The following CUL2 variants were observed in gnomAD, a reference collection of about 807,000 sequenced individuals.
CUL2 encodes cullin-2.
In CUL2, 22 loss-of-function variants were observed where a neutral mutation model predicts 110.2. That is an observed-to-expected ratio of 0.20 (90% CI 0.14 to 0.28). CUL2 has a LOEUF of 0.28. Among genes scored for constraint, CUL2 ranks in the 10% least tolerant of loss-of-function variants. CUL2 has a pLI of 1.00. For synonymous variants in CUL2, 279 were observed against 293.2 expected, an observed-to-expected ratio of 0.95 and a Z score of 0.49; for missense variants, 631 against 905.5, an observed-to-expected ratio of 0.70 and a Z score of 3.89.
chr10:35,030,927 T>G (rs1280684666), intron 14 of CUL2, among the ~76,000 whole-genome samples: 1 of 152,156 alleles, frequency 6.6e-6, no homozygotes, highest in East Asian at 1.9e-4. Flanking sequence ...GCAAGAAAAT[T>G]TATTGAATAA....
chr10:35,030,213 C>A (rs1291143230), intron 14 of CUL2, among the ~76,000 whole-genome samples: 2 of 152,190 alleles, frequency 1.3e-5, no homozygotes, highest in African/African-American at 4.8e-5. Context: ...GGGAATACTC[C>A]AGCCTGTAGT....
At chr10:35,014,066 T>C (rs2084968216) in intron 18 of CUL2, among the ~76,000 whole-genome samples, 1 of 152,242 alleles carries the variant, frequency 6.6e-6, no homozygotes, top group African/African-American at 2.4e-5. Context: ...CCTACTATTC[T>C]ATATACACTA....
At chr10:35,035,336 T>G in intron 9 of CUL2, 40 bp from the exon 10 acceptor site, 1 of 1,604,702 alleles carries the variant, frequency 6.2e-7, no homozygotes, top group Non-Finnish European at 8.5e-7. Context: ...CTCCCAAATA[T>G]TTTCATTTAT....
Position 35,029,634 on chromosome 10 carries a change from A to C in CUL2, c.1393T>G (p.Cys465Gly). The stretch of plus-strand genomic sequence containing the variant: ...AGCTTGCTGGTAAACTCATAACCAC[A>C]GGCTTGCTATAAAAAAGTTTTAGAA... Reference protein sequence around the residue: ...EAMINKLKQACGYEFTSKLHR... With the variant: ...EAMINKLKQAGGYEFTSKLHR... Residue 465 changes from cysteine to glycine, a missense_variant, in exon 15 of 21, where the codon TGT becomes GGT. Cys to Gly is a radical substitution (Grantham distance 159). Coordinates refer to ENST00000374749, the MANE Select transcript of CUL2 (RefSeq NM_003591.4). 6.3e-7 allele frequency: 1 copy of C among 1,582,786 alleles called. No individual in the cohort carries two copies. Among genetic ancestry groups the C allele is most frequent in the Non-Finnish European group, 8.5e-7 (1 of 1,170,834 alleles).
intron 1 of CUL2, among the ~76,000 whole-genome samples, chr10:35,102,449 G>A (rs2087394344): frequency 6.6e-6 from 1 of 151,578 alleles, no homozygotes; most frequent in South Asian, 2.1e-4. Flanking sequence ...GCACATGCCT[G>A]TAATTCCAGC....
intron 17 of CUL2, among the ~76,000 whole-genome samples, chr10:35,021,349 C>T (rs1187022843): frequency 4.6e-5 from 7 of 150,952 alleles, no homozygotes; most frequent in Admixed American, 6.6e-5. Context: ...CTCCGCCACC[C>T]GGGTTCATGC....
intron 1 of CUL2, among the ~76,000 whole-genome samples, chr10:35,081,477 G>C (rs577655931): frequency 6.6e-6 from 1 of 152,024 alleles, no homozygotes; most frequent in African/African-American, 2.4e-5. Flanking sequence ...ATGTATCCCC[G>C]ATCTCAGGTA....
chr10:35,103,768 T>A (rs2087419302), intron 1 of CUL2, among the ~76,000 whole-genome samples: 1 of 152,154 alleles, frequency 6.6e-6, no homozygotes, highest in South Asian at 2.1e-4. Flanking sequence ...CTGCTCAAAA[T>A]GTTTTCACCG....
chr10:35,078,522 A>G (rs1200069774), intron 1 of CUL2, among the ~76,000 whole-genome samples: 1 of 151,958 alleles, frequency 6.6e-6, no homozygotes, highest in Non-Finnish European at 1.5e-5. Flanking sequence ...GCTGGTCTCA[A>G]ACTCCCAACC....
chr10:35,026,811 G>A (rs1564703046), intron 16 of CUL2, among the ~76,000 whole-genome samples: 1 of 151,962 alleles, frequency 6.6e-6, no homozygotes, highest in Non-Finnish European at 1.5e-5. Context: ...AATATATGTT[G>A]ACTAAACTTA....
chr10:35,030,902 C>G (rs1483907303), intron 14 of CUL2, among the ~76,000 whole-genome samples: 4 of 152,068 alleles, frequency 2.6e-5, no homozygotes, highest in Admixed American at 6.6e-5. Flanking sequence ...ATATTATATT[C>G]AAAATGTCTA....
intron 1 of CUL2, among the ~76,000 whole-genome samples, chr10:35,107,145 T>C (rs181869505): frequency 6.6e-6 from 1 of 152,060 alleles, no homozygotes; most frequent in Non-Finnish European, 1.5e-5. Flanking sequence ...CGGCTAATTT[T>C]TTGTATTTTC....
chr10:35,125,482 A>G (rs2135161187), intron 1 of CUL2, among the ~76,000 whole-genome samples: 1 of 152,350 alleles, frequency 6.6e-6, no homozygotes, highest in South Asian at 2.1e-4. Context: ...CCTTTGACCT[A>G]CGAAAATTAG....
chr10:35,119,912 C>T (rs1180525594), intron 1 of CUL2: 2 of 152,120 alleles, frequency 1.3e-5, no homozygotes, highest in Non-Finnish European at 2.9e-5. Context: ...TTTCCTCAGA[C>T]TATATTGCTC....
intron 4 of CUL2, among the ~76,000 whole-genome samples, chr10:35,058,383 C>G (rs1301578587): frequency 6.6e-6 from 1 of 152,162 alleles, no homozygotes; most frequent in Non-Finnish European, 1.5e-5. Context: ...TTCCTGATGA[C>G]TAACCCGCCT....
intron 2 of CUL2, chr10:35,063,846 G>C (rs2086447799): frequency 2.7e-5 from 4 of 148,334 alleles, no homozygotes; most frequent in South Asian, 4.2e-4. Flanking sequence ...CAAAAGATAA[G>C]ACTTAAGGCA....
chr10:35,019,401 CA>C (rs1471989420), intron 17 of CUL2, among the ~76,000 whole-genome samples: 9 of 152,122 alleles, frequency 5.9e-5, no homozygotes, highest in Admixed American at 2.6e-4. Flanking sequence ...TACCAGGGAT[CA>C]GGGGTACACT....
At position 35,046,186 on chromosome 10, in the gene CUL2, A is replaced by G. The variant is rs138831023; in HGVS notation, c.507-1318T>C. ...TCATAGAGAATCTTGATATCTTGAT[A>G]TCACTGACTAGTTCATATAATAAGG... On this transcript the variant is annotated intron_variant, in intron 6 of 20. Transcript: ENST00000374749. Among the ~76,000 whole-genome samples the G allele has an allele frequency of 7.6e-3, 1,165 of 152,378 alleles. 14 individuals carry two copies. Among genetic ancestry groups the G allele is most frequent in the African/African-American group, 0.026 (1,093 of 41,594 alleles).
At chr10:35,041,311 A>G (rs894618286) in intron 8 of CUL2, among the ~76,000 whole-genome samples, 3 of 152,174 alleles carry the variant, frequency 2.0e-5, no homozygotes, top group Admixed American at 6.5e-5. Context: ...TGGGAGAGAG[A>G]GGCGCATATC....
Sources: allele counts gnomAD v4.1 joint callset (sites outside exome capture counted in the v4.1 genomes callset), GRCh38; gene constraint gnomAD v4.1.1; transcripts MANE v1.5; gene names NCBI Gene and HGNC (gene_info 2026-07-23, HGNC 2026-07-21).